METTL24: variants seen among roughly 807,000 people sequenced by gnomAD.
The protein encoded by METTL24 is probable methyltransferase-like protein 24.
In METTL24, 29 loss-of-function variants were observed where a neutral mutation model predicts 32.7. That is an observed-to-expected ratio of 0.89 (90% CI 0.66 to 1.21). The LOEUF (loss-of-function observed/expected upper bound fraction) is 1.21. Ranked by LOEUF, METTL24 falls within the 50% of genes most tolerant of loss-of-function variation. The probability of loss-of-function intolerance (pLI) is 0.00; values close to 1 mark genes in which losing one functional copy is unlikely to be tolerated. For synonymous variants in METTL24, 163 were observed against 179.5 expected (o/e 0.91, Z 0.73); for missense variants, 439 against 468.1 (o/e 0.94, Z 0.57).
chr6:110,278,952 G>A (rs1194735129), intron 4 of METTL24, among the ~76,000 whole-genome samples: 2 of 152,176 alleles, frequency 1.3e-5, no homozygotes, highest in African/African-American at 4.8e-5. Flanking sequence ...AGCCCAGGAG[G>A]TGAAGGCTGC....
At chr6:110,304,677 A>C (rs1771596344) in intron 3 of METTL24, among the ~76,000 whole-genome samples, 1 of 152,234 alleles carries the variant, frequency 6.6e-6, no homozygotes, top group Non-Finnish European at 1.5e-5. Context: ...ATGTGAAAAG[A>C]CCAAACCTAT....
At chr6:110,337,806 T>C (rs1772267978) in intron 1 of METTL24, among the ~76,000 whole-genome samples, 1 of 152,226 alleles carries the variant, frequency 6.6e-6, no homozygotes, top group Non-Finnish European at 1.5e-5. Context: ...TCAAATTTCT[T>C]AATCCTTCAA....
intron 4 of METTL24, among the ~76,000 whole-genome samples, chr6:110,277,911 C>T (rs1166320294): frequency 3.9e-5 from 6 of 152,034 alleles, no homozygotes; most frequent in Non-Finnish European, 7.4e-5. Flanking sequence ...TCCTTGATAA[C>T]GGAATGTGTA....
rs1424696836 is a variant in METTL24 at position 110,358,071 on chromosome 6, C to A, written c.202G>T (p.Ala68Ser). ...LPPAPGQPRGASRRQVTYVRS... is the reference protein window; with the variant it reads ...LPPAPGQPRGSSRRQVTYVRS... The stretch of plus-strand genomic sequence containing the variant: ...ACGTAGGTCACCTGCCTCCTGCTGG[C>A]GCCGCGCGGCTGGCCCGGCGCGGGC... Residue 68 changes from alanine (A) to serine (S), a missense_variant, in exon 1 of 5, where the codon GCC becomes TCC. Physicochemically the swap from Ala to Ser is moderately conservative, Grantham distance 99. Coordinates refer to ENST00000338882, the MANE Select transcript of METTL24 (RefSeq NM_001123364.3). 5 of 1,013,114 alleles carry A rather than the reference C, an allele frequency of 4.9e-6. No homozygotes were observed. The highest frequency in any genetic ancestry group is 5.9e-6 in the Non-Finnish European group (5 of 849,992). 62.8% of individuals were successfully genotyped at this position (1,013,114 alleles called of 1,614,324 possible).
chr6:110,306,794 T>C (rs1343137672), intron 3 of METTL24, among the ~76,000 whole-genome samples: 1 of 152,176 alleles, frequency 6.6e-6, no homozygotes, highest in African/African-American at 2.4e-5. Context: ...TTACAAAACA[T>C]GGCCCAAAGC....
Position 110,358,025 on chromosome 6 carries a change from G to A in METTL24, c.248C>T (p.Pro83Leu), listed in dbSNP as rs959813484. The A allele has an allele frequency of 4.4e-6, 5 of 1,139,600 alleles. No individual in the cohort carries two copies. The highest frequency in any genetic ancestry group is 3.5e-4 in the Middle Eastern group (1 of 2,830). The allele number at this position is 1,139,600 out of a possible 1,614,324, so 70.6% of individuals were successfully genotyped here. A position where few individuals can be genotyped will look rare whatever the true frequency, so the allele number is the denominator to read the frequency against. Reference sequence around the variant, plus strand: ...CGTCCCGCTCCCGCCGCCCCCCGGCGGCGCCCGGCGACCGCTGCGCACGTA... The same window carrying A: ...CGTCCCGCTCCCGCCGCCCCCCGGCAGCGCCCGGCGACCGCTGCGCACGTA... ...VTYVRSGRRA[P>L]PGGGGSGTPE... Residue 83 changes from proline to leucine, a missense_variant, in exon 1 of 5, where the codon CCG becomes CTG. Physicochemically the swap from Pro to Leu is moderately conservative, Grantham distance 98. Transcript: ENST00000338882.
intron 3 of METTL24, among the ~76,000 whole-genome samples, chr6:110,309,755 A>C (rs1418923144): frequency 6.6e-6 from 1 of 152,314 alleles, no homozygotes; most frequent in East Asian, 1.9e-4. Flanking sequence ...GGTCCCTCCC[A>C]CAACATGTGG....
chr6:110,246,471 T>C (rs1778163874), intron 4 of METTL24, among the ~76,000 whole-genome samples: 1 of 152,174 alleles, frequency 6.6e-6, no homozygotes, highest in Non-Finnish European at 1.5e-5. Flanking sequence ...TTTTAAGAGA[T>C]GGGGGTCTCG....
At position 110,315,397 on chromosome 6, in the gene METTL24, T is replaced by C. The variant is rs1457613122; in HGVS notation, c.502A>G (p.Arg168Gly). 6.2e-7 allele frequency: 1 copy of C among 1,614,188 alleles called. No homozygotes were observed. The change falls in exon 3 of 5, where the codon AGG (arginine) becomes GGG (glycine). Residue 168 changes from arginine (R) to glycine (G), a missense_variant. Physicochemically the swap from Arg to Gly is moderately radical, Grantham distance 125 (BLOSUM62 -2). Transcript: ENST00000338882. ...CGGATTTGATGAGCTAAATTGAACC[T>C]GTCGTCAAGACACACTGACCAGGGC... ...HKPWSVCLDD[R>G]FNLAHQIRNK... is the part of the protein sequence containing the mutation.
intron 3 of METTL24, among the ~76,000 whole-genome samples, chr6:110,311,161 T>A (rs563217813): frequency 1.6e-4 from 24 of 152,238 alleles, no homozygotes; most frequent in African/African-American, 5.8e-4. Flanking sequence ...GGTCTCACTC[T>A]TCCCTCACTA....
intron 1 of METTL24, among the ~76,000 whole-genome samples, chr6:110,349,633 T>A (rs763787291): frequency 3.9e-5 from 6 of 152,208 alleles, no homozygotes; most frequent in Admixed American, 1.3e-4. Flanking sequence ...TAATTTAGTA[T>A]CTGAAGTAAA....
Position 110,322,865 on chromosome 6 carries a change from C to CG in METTL24, c.325dup (p.Arg109ProfsTer18). 1 of 1,612,238 alleles carries CG rather than the reference C, an allele frequency of 6.2e-7. No homozygotes were observed. Among genetic ancestry groups the CG allele is most frequent in the Non-Finnish European group, 8.5e-7 (1 of 1,179,460 alleles). On this transcript the variant is annotated frameshift_variant, in exon 2 of 5. Coordinates refer to ENST00000338882, the MANE Select transcript of METTL24 (RefSeq NM_001123364.3). LOFTEE classifies it high-confidence loss of function. ...CCAAGGCTGGAGATCTATATGCCACCGGGGACCCTGCAAGAGACAGAAAAC... is the reference window on the plus strand; with the variant it reads ...CCAAGGCTGGAGATCTATATGCCACCGGGGGACCCTGCAAGAGACAGAAAAC...
intron 3 of METTL24, among the ~76,000 whole-genome samples, chr6:110,309,281 C>A (rs575886101): frequency 6.6e-6 from 1 of 152,254 alleles, no homozygotes; most frequent in Non-Finnish European, 1.5e-5. Flanking sequence ...CTAGCAGGAA[C>A]CACAGAATCT....
chr6:110,260,135 G>C (rs1015088105), intron 4 of METTL24, among the ~76,000 whole-genome samples: 23 of 152,200 alleles, frequency 1.5e-4, no homozygotes, highest in Admixed American at 1.3e-3. Context: ...GACGAGCTGA[G>C]AGAAGAAGGC....
chr6:110,259,374 A>C (rs1347533216), intron 4 of METTL24, among the ~76,000 whole-genome samples: 4 of 152,318 alleles, frequency 2.6e-5, no homozygotes, highest in African/African-American at 9.6e-5. Context: ...CATTGCTTGC[A>C]CAGCAGTCTG....
intron 4 of METTL24, among the ~76,000 whole-genome samples, chr6:110,291,142 GT>G (rs1452725977): frequency 6.6e-6 from 1 of 151,974 alleles, no homozygotes; most frequent in Non-Finnish European, 1.5e-5. Context: ...TTTTCTCCTA[GT>G]TTTTATGTTC....
chr6:110,344,284 G>A (rs1350457120), intron 1 of METTL24, among the ~76,000 whole-genome samples: 1 of 152,036 alleles, frequency 6.6e-6, no homozygotes, highest in Non-Finnish European at 1.5e-5. Flanking sequence ...TTCTCATGCT[G>A]CAGATGAAAA....
Position 110,315,489 on chromosome 6 carries a change from G to T in METTL24, c.418-8C>A. ...CATGTGATTGCATGCAATCTGTAAA[G>T]ATTGGAAATCAATGTGAATAATTTG... is the stretch of plus-strand genomic sequence containing the variant. On this transcript the variant is annotated splice_polypyrimidine_tract_variant and splice_region_variant and intron_variant, in intron 2 of 4. Transcript: ENST00000338882. 1 of 1,613,328 alleles carries T rather than the reference G, an allele frequency of 6.2e-7. No individual in the cohort carries two copies. Among genetic ancestry groups the T allele is most frequent in the Non-Finnish European group, 8.5e-7 (1 of 1,179,714 alleles).
At chr6:110,322,436 T>C (rs1451634623) in intron 2 of METTL24, among the ~76,000 whole-genome samples, 1 of 152,228 alleles carries the variant, frequency 6.6e-6, no homozygotes, top group Admixed American at 6.5e-5. Flanking sequence ...TTTTGTTTTG[T>C]GACATACTCG....
Sources: allele counts gnomAD v4.1 joint callset (sites outside exome capture counted in the v4.1 genomes callset), GRCh38; gene constraint gnomAD v4.1.1; transcripts MANE v1.5; gene names NCBI Gene and HGNC (gene_info 2026-07-23, HGNC 2026-07-21).